Variants in TRAF3 observed in about 807,000 individuals in gnomAD.
The protein encoded by TRAF3 is TNF receptor associated factor 3, also known as TNF receptor-associated factor 3.
Under a neutral mutation model 62.3 loss-of-function variants are expected in TRAF3, and 13 were observed. The ratio of observed to expected loss-of-function variants is 0.21; its 90% CI spans 0.14 to 0.33. The LOEUF is 0.33. Ranked by LOEUF, TRAF3 falls within the 10% of genes least tolerant of loss-of-function variation. The pLI is 1.00. For synonymous variants in TRAF3, 269 were observed against 283.4 expected, an observed-to-expected ratio of 0.95 and a Z score of 0.51; for missense variants, 440 against 741.8, an observed-to-expected ratio of 0.59 and a Z score of 4.73.
At chr14:102,813,302 T>C (rs1356906481) in intron 1 of TRAF3, among the ~76,000 whole-genome samples, 2 of 152,082 alleles carry the variant, frequency 1.3e-5, no homozygotes, top group African/African-American at 4.8e-5. Flanking sequence ...CCATTCTAAC[T>C]GGGGTGAGAT....
rs574009701 is a variant in TRAF3 at position 102,812,725 on chromosome 14, T to C, written c.-156-17609T>C. On this transcript the variant is annotated intron_variant, in intron 1 of 11. Coordinates refer to ENST00000392745, the MANE Select transcript of TRAF3 (RefSeq NM_145725.3). ...ACGAGGTCAGGAGATCGAGACCATCTTGGCTAACACGGTGAAACCCTGTCT... is the reference window on the plus strand; with the variant it reads ...ACGAGGTCAGGAGATCGAGACCATCCTGGCTAACACGGTGAAACCCTGTCT... Among the ~76,000 whole-genome samples the C allele has an allele frequency of 7.5e-4, 113 of 149,880 alleles. 1 individual carries two copies. Among genetic ancestry groups the C allele is most frequent in the South Asian group, 3.9e-3 (19 of 4,814 alleles).
At chr14:102,801,016 A>T in intron 1 of TRAF3, among the ~76,000 whole-genome samples, 1 of 152,052 alleles carries the variant, frequency 6.6e-6, no homozygotes, top group Non-Finnish European at 1.5e-5. Flanking sequence ...AATACAAAAA[A>T]TTAGCCGGGC....
rs540707612 is a variant in TRAF3 at position 102,905,913 on chromosome 14, G to A, written c.*129G>A. On this transcript the variant is annotated 3_prime_UTR_variant, in exon 12 of 12. Coordinates refer to ENST00000392745, the MANE Select transcript of TRAF3 (RefSeq NM_145725.3). ...ACGGAGGAAGCGGCAGAAGGCGGAC[G>A]CGTGCCGGCGGGAGGAGCCACGCGT... The A allele has an allele frequency of 4.1e-4, 344 of 844,632 alleles. No homozygotes were observed. The highest frequency in any genetic ancestry group is 5.4e-4 in the Non-Finnish European group (294 of 547,520). The allele number at this position is 844,632 out of a possible 1,614,324, so 52.3% of individuals were successfully genotyped here.
At chr14:102,822,077 G>A (rs1381183208) in intron 1 of TRAF3, among the ~76,000 whole-genome samples, 1 of 151,694 alleles carries the variant, frequency 6.6e-6, no homozygotes, top group Non-Finnish European at 1.5e-5. Context: ...AAAGACTGAG[G>A]GTTTTTTAAA....
chr14:102,847,775 C>G (rs1193807633), intron 2 of TRAF3, among the ~76,000 whole-genome samples: 1 of 152,146 alleles, frequency 6.6e-6, no homozygotes, highest in Admixed American at 6.5e-5. Context: ...TGAACATATT[C>G]ATTTTTGGCT....
At chr14:102,873,381 A>G (rs1485014921) in intron 4 of TRAF3, among the ~76,000 whole-genome samples, 1 of 152,204 alleles carries the variant, frequency 6.6e-6, no homozygotes, top group Non-Finnish European at 1.5e-5. Flanking sequence ...TTGGCCTAGC[A>G]TGGTACTCGG....
At chr14:102,778,055 G>T (rs1443988396) in intron 1 of TRAF3, among the ~76,000 whole-genome samples, 1 of 150,460 alleles carries the variant, frequency 6.6e-6, no homozygotes, top group Non-Finnish European at 1.5e-5. Flanking sequence ...GGTTTCACGC[G>T]GGGGGACGGG....
chr14:102,796,350 T>A (rs770976885), intron 1 of TRAF3, among the ~76,000 whole-genome samples: 1 of 152,240 alleles, frequency 6.6e-6, no homozygotes, highest in Non-Finnish European at 1.5e-5. Context: ...TTGCGTCCCT[T>A]CATCTGTGTC....
intron 2 of TRAF3, among the ~76,000 whole-genome samples, chr14:102,864,639 C>T (rs995720680): frequency 2.0e-5 from 3 of 152,100 alleles, no homozygotes; most frequent in African/African-American, 7.2e-5. Context: ...TTTAAGATGG[C>T]TTACAAGGAT....
intron 1 of TRAF3, among the ~76,000 whole-genome samples, chr14:102,812,957 GT>G (rs962274179): frequency 6.3e-4 from 96 of 152,136 alleles, no homozygotes; most frequent in African/African-American, 2.2e-3. Context: ...ATCCTGGACA[GT>G]ATTTGTTATT....
chr14:102,823,895 A>G (rs965151140), intron 1 of TRAF3, among the ~76,000 whole-genome samples: 2 of 135,744 alleles, frequency 1.5e-5, no homozygotes, highest in East Asian at 2.2e-4. Context: ...CTCTGTCACT[A>G]AGCACCATAT....
At chr14:102,828,899 G>T (rs756443684) in intron 1 of TRAF3, among the ~76,000 whole-genome samples, 2 of 152,200 alleles carry the variant, frequency 1.3e-5, no homozygotes, top group Non-Finnish European at 2.9e-5. Flanking sequence ...CTTAAGCAAT[G>T]ACAGTTACAT....
rs759009379 is a variant in TRAF3, at chr14:102,875,737, C to T, written c.402+9C>T. On this transcript the variant is annotated intron_variant, in intron 5 of 11. Transcript: ENST00000392745. ...TGCTGGGACATCTGCTGGTGAGTAG[C>T]AAAGGGACACTGGAACCTTTTACAT... 1 of 1,608,900 alleles carries T rather than the reference C, an allele frequency of 6.2e-7. No homozygotes were observed. The highest frequency in any genetic ancestry group is 8.5e-7 in the Non-Finnish European group (1 of 1,175,526).
At chr14:102,800,982 C>CCTGGCTAACAT (rs879498515) in intron 1 of TRAF3, among the ~76,000 whole-genome samples, 2 of 150,778 alleles carry the variant, frequency 1.3e-5, no homozygotes, top group South Asian at 2.1e-4. Flanking sequence ...ATCGAGACCA[C>CCTGGCTAACAT]GGTGAAACCC....
intron 1 of TRAF3, among the ~76,000 whole-genome samples, chr14:102,820,615 T>TATATATATATAAA: frequency 6.3e-5 from 1 of 15,838 alleles, no homozygotes; most frequent in African/African-American, 7.1e-4. Context: ...TATATATATA[T>TATATATATATAAA]TTTTTTTTTT....
chr14:102,871,843 T>C lies in TRAF3; in HGVS notation c.246-74T>C, dbSNP rs192778014. The C allele has an allele frequency of 3.9e-5, 55 of 1,425,882 alleles. 1 individual carries two copies. Among genetic ancestry groups the C allele is most frequent in the Non-Finnish European group, 5.2e-5 (52 of 1,009,302 alleles). 88.3% of individuals were successfully genotyped at this position (1,425,882 alleles called of 1,614,324 possible). A position where few individuals can be genotyped will look rare whatever the true frequency, so the allele number is the denominator to read the frequency against. ...TGTGCAGACCTGACCATAAAGTGAA[T>C]GCTCCCAGAATCTCCTGAGTCCTCT... On this transcript the variant is annotated intron_variant, in intron 3 of 11. Transcript: ENST00000392745.
intron 6 of TRAF3, among the ~76,000 whole-genome samples, chr14:102,884,990 G>C: frequency 6.6e-6 from 1 of 152,152 alleles, no homozygotes; most frequent in East Asian, 1.9e-4. Context: ...GTGTGGGCTT[G>C]TTGAAAGTCG....
chr14:102,819,674 G>C (rs1394341819), intron 1 of TRAF3, among the ~76,000 whole-genome samples: 2 of 152,328 alleles, frequency 1.3e-5, no homozygotes, highest in Non-Finnish European at 2.9e-5. Context: ...GACTCTCAGG[G>C]CCAGAGGTGT....
chr14:102,894,743 A>C (rs777873788), intron 9 of TRAF3, among the ~76,000 whole-genome samples: 5 of 152,128 alleles, frequency 3.3e-5, no homozygotes, highest in South Asian at 2.1e-4. Flanking sequence ...CAACTGCTTG[A>C]TTTGTTGGAG....
Sources: gnomAD v4.1 joint callset for allele counts (sites outside exome capture counted in the v4.1 genomes callset) on GRCh38, gnomAD v4.1.1 for gene constraint, MANE v1.5 for transcripts, NCBI Gene and HGNC (gene_info 2026-07-23, HGNC 2026-07-21) for gene names.